The following EPSTI1 variants were observed in gnomAD, a reference collection of about 807,000 sequenced individuals.
EPSTI1 encodes epithelial stromal interaction 1, also known as epithelial-stromal interaction protein 1.
EPSTI1 carries 66 observed loss-of-function variants against 49.9 expected under a neutral mutation model. The ratio of observed to expected loss-of-function variants is 1.32; its 90% CI spans 1.08 to 1.62. The LOEUF is 1.62. Ranked by LOEUF, EPSTI1 falls within the 40% of genes most tolerant of loss-of-function variation. EPSTI1 has a pLI of 0.00. For synonymous variants in EPSTI1, 137 were observed against 130.7 expected, an observed-to-expected ratio of 1.05 and a Z score of -0.33; for missense variants, 394 against 365.5, an observed-to-expected ratio of 1.08 and a Z score of -0.64.
chr13:42,974,215 A>G (rs921998762), intron 1 of EPSTI1, among the ~76,000 whole-genome samples: 3 of 152,052 alleles, frequency 2.0e-5, no homozygotes, highest in African/African-American at 7.2e-5. Flanking sequence ...ACACGCCTGT[A>G]ATCCCAGCTA....
At chr13:42,942,434 T>C (rs1594693924) in intron 6 of EPSTI1, among the ~76,000 whole-genome samples, 1 of 152,238 alleles carries the variant, frequency 6.6e-6, no homozygotes, top group South Asian at 2.1e-4. Context: ...ATTATACTTA[T>C]ATGTTTTTGT....
chr13:42,951,994 A>G (rs2153428350), intron 6 of EPSTI1, among the ~76,000 whole-genome samples: 1 of 152,296 alleles, frequency 6.6e-6, no homozygotes, highest in South Asian at 2.1e-4. Flanking sequence ...AAACGCACCA[A>G]TCAGTGCTCT....
intron 6 of EPSTI1, among the ~76,000 whole-genome samples, chr13:42,945,527 G>A (rs758449173): frequency 2.6e-5 from 4 of 152,220 alleles, no homozygotes; most frequent in Non-Finnish European, 5.9e-5. Context: ...TCATTTTATA[G>A]GCAGTAGGAA....
chr13:42,924,616 C>T (rs1486380607), intron 7 of EPSTI1, among the ~76,000 whole-genome samples: 1 of 151,842 alleles, frequency 6.6e-6, no homozygotes, highest in Admixed American at 6.6e-5. Context: ...GATATCCAGA[C>T]AGGTGTTTAG....
At chr13:42,976,390 G>C (rs1260051831) in intron 1 of EPSTI1, among the ~76,000 whole-genome samples, 2 of 152,132 alleles carry the variant, frequency 1.3e-5, no homozygotes, top group Admixed American at 6.6e-5. Flanking sequence ...CTAAGAAATA[G>C]GTTAAAGAGT....
At chr13:42,948,474 G>A (rs796358413) in intron 6 of EPSTI1, among the ~76,000 whole-genome samples, 3 of 68,010 alleles carry the variant, frequency 4.4e-5, no homozygotes, top group African/African-American at 1.8e-4. Flanking sequence ...TTTTTTTTTT[G>A]TTTTTGTTTT....
At chr13:42,891,764 T>C (rs1167125500) in intron 10 of EPSTI1, among the ~76,000 whole-genome samples, 1 of 152,216 alleles carries the variant, frequency 6.6e-6, no homozygotes, top group Non-Finnish European at 1.5e-5. Flanking sequence ...GTTATTGTTT[T>C]ATGCCTGGGA....
At chr13:42,939,144 T>G (rs960126040) in intron 6 of EPSTI1, among the ~76,000 whole-genome samples, 1 of 152,140 alleles carries the variant, frequency 6.6e-6, no homozygotes, top group African/African-American at 2.4e-5. Flanking sequence ...AATTAAACAG[T>G]GTTAGGGCCT....
intron 8 of EPSTI1, among the ~76,000 whole-genome samples, chr13:42,906,427 T>C (rs1465449189): frequency 6.6e-6 from 1 of 152,224 alleles, no homozygotes; most frequent in African/African-American, 2.4e-5. Context: ...TGTTCCGACA[T>C]GGTTCAGCTT....
Position 42,964,128 on chromosome 13 carries a change from A to T in EPSTI1, c.343T>A (p.Ser115Thr). 1 of 1,613,170 alleles carries T rather than the reference A, an allele frequency of 6.2e-7. No individual in the cohort carries two copies. Among genetic ancestry groups the T allele is most frequent in the Non-Finnish European group, 8.5e-7 (1 of 1,179,658 alleles). ...TGTTTCTGTCTGACTTCAGTTTCTG[A>T]CTGGCTTCCACCTTAGGAAAAAAAA... ...LVPRRLGGSQSETEVRQKQQL... is the reference protein window; with the variant it reads ...LVPRRLGGSQTETEVRQKQQL... Residue 115 changes from serine to threonine, a missense_variant, in exon 4 of 11, where the codon TCA becomes ACA. Coordinates refer to ENST00000313624, the MANE Select transcript of EPSTI1 (RefSeq NM_033255.5).
rs145417811 is a variant in EPSTI1 at position 42,897,645 on chromosome 13, G to A, written c.816-2537C>T. 1.4e-3 allele frequency among the ~76,000 whole-genome samples: 215 copies of A among 152,302 alleles called. 1 individual carries two copies. Among genetic ancestry groups the A allele is most frequent in the Non-Finnish European group, 1.9e-3 (131 of 68,034 alleles). On this transcript the variant is annotated intron_variant, in intron 9 of 10. Coordinates refer to ENST00000313624, the MANE Select transcript of EPSTI1 (RefSeq NM_033255.5). ...GCGAAGACTGATGCCTTGTCATGAA[G>A]ACATAAGGTAATGTGATTCACTTTT...
At chr13:42,941,851 T>C (rs1056006834) in intron 6 of EPSTI1, among the ~76,000 whole-genome samples, 2 of 152,064 alleles carry the variant, frequency 1.3e-5, no homozygotes, top group Non-Finnish European at 2.9e-5. Flanking sequence ...TTTCATATAT[T>C]GGGTACATTT....
intron 1 of EPSTI1, among the ~76,000 whole-genome samples, chr13:42,984,426 T>C (rs532811722): frequency 6.6e-6 from 1 of 152,372 alleles, no homozygotes; most frequent in South Asian, 2.1e-4. Context: ...TTAAAACTTG[T>C]ACTTCATTTC....
At chr13:42,989,567 C>CTTTTTTTTTCTTTTTTTTT (rs2040151142) in intron 1 of EPSTI1, among the ~76,000 whole-genome samples, 1 of 79,020 alleles carries the variant, frequency 1.3e-5, no homozygotes, top group Non-Finnish European at 2.5e-5. Context: ...CCTCTTTTTT[C>CTTTTTTTTTCTTTTTTTTT]TTTTTTTTTT....
chr13:42,959,668 G>T (rs949650187), intron 5 of EPSTI1, among the ~76,000 whole-genome samples: 4 of 152,172 alleles, frequency 2.6e-5, no homozygotes, highest in African/African-American at 9.7e-5. Context: ...GTGACTTCCA[G>T]TGCTTCAAAT....
At chr13:42,968,460 A>G (rs982520067) in intron 3 of EPSTI1, among the ~76,000 whole-genome samples, 2 of 152,148 alleles carry the variant, frequency 1.3e-5, no homozygotes, top group African/African-American at 4.8e-5. Context: ...GGCTGCTGAT[A>G]GAAGAGAAAA....
At chr13:42,977,034 G>T (rs2039895092) in intron 1 of EPSTI1, among the ~76,000 whole-genome samples, 1 of 152,098 alleles carries the variant, frequency 6.6e-6, no homozygotes, top group South Asian at 2.1e-4. Context: ...CTCAACTATT[G>T]CAACTGTTTC....
chr13:42,989,615 ACAGAGTCTCACTCTGTCGCC>A (rs1240462042), intron 1 of EPSTI1, among the ~76,000 whole-genome samples: 599 of 37,362 alleles, frequency 0.016, 4 homozygotes, highest in African/African-American at 0.038. Context: ...TGTTTTTGAG[ACAGAGTCTCACTCTGTCGCC>A]CAGGCTGGAG....
intron 10 of EPSTI1, among the ~76,000 whole-genome samples, chr13:42,893,441 C>T (rs1293675540): frequency 6.6e-6 from 1 of 152,180 alleles, no homozygotes; most frequent in East Asian, 1.9e-4. Flanking sequence ...TCTCTTGCTG[C>T]TTCTTTTAAG....
Sources: allele counts gnomAD v4.1 joint callset (sites outside exome capture counted in the v4.1 genomes callset), GRCh38; gene constraint gnomAD v4.1.1; transcripts MANE v1.5; gene names NCBI Gene and HGNC (gene_info 2026-07-23, HGNC 2026-07-21).